FAM174A: variants seen among roughly 807,000 people sequenced by gnomAD.
FAM174A encodes the protein family with sequence similarity 174 member A.
A neutral mutation model predicts 14.3 loss-of-function variants in FAM174A; 14 were observed. That is an observed-to-expected ratio of 0.98 (90% CI 0.65 to 1.53). The LOEUF (loss-of-function observed/expected upper bound fraction) is 1.53. Among genes scored for constraint, FAM174A ranks in the 40% most tolerant of loss-of-function variants. The pLI is 0.00. For missense variants in FAM174A, 241 were observed against 249.6 expected (o/e 0.97, Z 0.23); for synonymous variants, 108 against 111.4 (o/e 0.97, Z 0.19).
At chr5:100,561,965 C>A in intron 1 of FAM174A, 89 bp from the exon 2 acceptor site, 1 of 752,118 alleles carries the variant, frequency 1.3e-6, no homozygotes, top group Non-Finnish European at 1.9e-6. Context: ...TTTGCTATGT[C>A]AGAAACAGAA....
chr5:100,566,180 A>ATATGTAC (rs371669507), intron 2 of FAM174A, among the ~76,000 whole-genome samples: 3 of 113,382 alleles, frequency 2.6e-5, no homozygotes, highest in African/African-American at 6.0e-5. Context: ...ATGTACATAT[A>ATATGTAC]ATATATATAA....
intron 2 of FAM174A, among the ~76,000 whole-genome samples, chr5:100,576,819 T>C (rs1164721345): frequency 6.6e-6 from 1 of 152,222 alleles, no homozygotes; most frequent in Non-Finnish European, 1.5e-5. Context: ...AGAGGCAATT[T>C]TTTTGTTTAG....
intron 2 of FAM174A, among the ~76,000 whole-genome samples, chr5:100,566,149 T>TATATATATATAG (rs1746643954): frequency 8.6e-6 from 1 of 116,036 alleles, no homozygotes; most frequent in Non-Finnish European, 1.8e-5. Context: ...ATGATATATA[T>TATATATATATAG]ATATATATAT....
intron 2 of FAM174A, among the ~76,000 whole-genome samples, chr5:100,566,141 G>GATAGATATAGATATATATAT (rs558236562): frequency 1.2e-5 from 1 of 81,810 alleles, no homozygotes; most frequent in Admixed American, 1.7e-4. Flanking sequence ...TGAAAAGTAT[G>GATAGATATAGATATATATAT]ATATATATAT....
chr5:100,574,385 A>C (rs1452425073), intron 2 of FAM174A, among the ~76,000 whole-genome samples: 2 of 151,750 alleles, frequency 1.3e-5, no homozygotes, highest in African/African-American at 4.8e-5. Flanking sequence ...ACAGGGTTTT[A>C]CCTTGTTGGC....
At chr5:100,566,924 G>C (rs978166293) in intron 2 of FAM174A, among the ~76,000 whole-genome samples, 1 of 151,780 alleles carries the variant, frequency 6.6e-6, no homozygotes, top group African/African-American at 2.4e-5. Flanking sequence ...AGGAGACCAC[G>C]ATAAAGAGTA....
In FAM174A at chr5:100,535,397, C is replaced by G; in HGVS notation, c.-134C>G. 1.2e-5 allele frequency: 11 copies of G among 939,476 alleles called. No homozygotes were observed. The highest frequency in any genetic ancestry group is 2.3e-5 in the Admixed American group (1 of 43,548). 58.2% of individuals were successfully genotyped at this position (939,476 alleles called of 1,614,324 possible). On this transcript the variant is annotated 5_prime_UTR_variant, in exon 1 of 3. Transcript: ENST00000312637. ...GCAGCTGCCACTGCTGTAGCTTCTG[C>G]CACCTGCCACGACCGGGCCTCTCCC...
At chr5:100,576,616 A>C (rs1195909403) in intron 2 of FAM174A, among the ~76,000 whole-genome samples, 1 of 152,220 alleles carries the variant, frequency 6.6e-6, no homozygotes, top group African/African-American at 2.4e-5. Flanking sequence ...TGATTAGTTC[A>C]GACTTACCAG....
intron 2 of FAM174A, among the ~76,000 whole-genome samples, chr5:100,574,375 A>G (rs1168563121): frequency 6.6e-6 from 1 of 151,744 alleles, no homozygotes; most frequent in African/African-American, 2.4e-5. Context: ...TTTAGTAGAG[A>G]CAGGGTTTTA....
intron 1 of FAM174A, among the ~76,000 whole-genome samples, chr5:100,555,707 G>A (rs1408599830): frequency 1.3e-5 from 2 of 152,280 alleles, no homozygotes; most frequent in East Asian, 1.9e-4. Context: ...TCATGTGTGT[G>A]TGTTGGCTGC....
chr5:100,569,257 A>G (rs1279722663), intron 2 of FAM174A, among the ~76,000 whole-genome samples: 1 of 151,878 alleles, frequency 6.6e-6, no homozygotes, highest in Non-Finnish European at 1.5e-5. Flanking sequence ...GATATTTTCT[A>G]TAAGTCATGC....
chr5:100,541,681 A>G (rs1051681782), intron 1 of FAM174A, among the ~76,000 whole-genome samples: 3 of 152,158 alleles, frequency 2.0e-5, no homozygotes, highest in Non-Finnish European at 4.4e-5. Context: ...CTCTTGTCAT[A>G]GGACAGGAGA....
At chr5:100,585,301 T>C (rs79577969) in intron 2 of FAM174A, among the ~76,000 whole-genome samples, 6,733 of 152,326 alleles carry the variant, frequency 0.044, 520 homozygotes, top group African/African-American at 0.15. Context: ...TAAGTTTTGA[T>C]AAATTTTAAC....
chr5:100,545,354 A>G (rs1490175588), intron 1 of FAM174A, among the ~76,000 whole-genome samples: 1 of 152,194 alleles, frequency 6.6e-6, no homozygotes, highest in African/African-American at 2.4e-5. Context: ...TTCTTAAGAA[A>G]TCAGGTTTTC....
intron 1 of FAM174A, among the ~76,000 whole-genome samples, chr5:100,550,799 A>G (rs1407578457): frequency 1.3e-5 from 2 of 152,210 alleles, no homozygotes; most frequent in Non-Finnish European, 2.9e-5. Flanking sequence ...GCATTCACAC[A>G]GCAGTATTGT....
intron 1 of FAM174A, 119 bp downstream of exon 1, chr5:100,536,083 A>C: frequency 1.1e-6 from 1 of 875,012 alleles, no homozygotes; most frequent in Non-Finnish European, 1.7e-6. Context: ...ACTCCTGCTT[A>C]AGAATATGAT....
chr5:100,581,227 G>T, intron 2 of FAM174A: 1 of 251,952 alleles, frequency 4.0e-6, no homozygotes, highest in Non-Finnish European at 6.3e-6. Context: ...ACTGCACAAG[G>T]CCTGCGGCAT....
chr5:100,535,556 G>A lies in FAM174A; in HGVS notation c.26G>A (p.Cys9Tyr). MKASQCCC[C>Y]LSHLLASVLL... ...ATGAAGGCCTCGCAGTGCTGCTGCT[G>A]TCTCAGCCACCTCTTGGCTTCCGTC... The change falls in exon 1 of 3, where the codon TGT becomes TAT. Residue 9 changes from cysteine (C) to tyrosine (Y), a missense_variant. Coordinates refer to ENST00000312637, the MANE Select transcript of FAM174A (RefSeq NM_198507.3). 1 of 1,613,178 alleles carries A rather than the reference G, an allele frequency of 6.2e-7. No individual in the cohort carries two copies.
chr5:100,577,509 A>C (rs1019795020), intron 2 of FAM174A, among the ~76,000 whole-genome samples: 1 of 152,160 alleles, frequency 6.6e-6, no homozygotes, highest in Non-Finnish European at 1.5e-5. Context: ...AGTATATCAG[A>C]ATCAGATTGC....
Sources: gnomAD v4.1 joint callset for allele counts (sites outside exome capture counted in the v4.1 genomes callset) on GRCh38, gnomAD v4.1.1 for gene constraint, MANE v1.5 for transcripts, NCBI Gene and HGNC (gene_info 2026-07-23, HGNC 2026-07-21) for gene names.